Variants in PLPP4 observed in about 807,000 individuals in gnomAD.
PLPP4 encodes diacylglycerol pyrophosphate like 2.
Under a neutral mutation model 32.2 loss-of-function variants are expected in PLPP4, and 20 were observed. The observed-to-expected ratio is 0.62, with a 90% CI of 0.44 to 0.90. The LOEUF is 0.90. PLPP4 is among the 40% of genes least tolerant of loss of function. The pLI is 0.00. For missense variants in PLPP4, 257 were observed against 353.1 expected, an observed-to-expected ratio of 0.73 and a Z score of 2.18; for synonymous variants, 127 against 133.0, an observed-to-expected ratio of 0.95 and a Z score of 0.31.
At chr10:120,558,986 C>G (rs75429061) in intron 5 of PLPP4, among the ~76,000 whole-genome samples, 6,724 of 152,188 alleles carry the variant, frequency 0.044, 250 homozygotes, top group South Asian at 0.2. Flanking sequence ...TATGAAAATT[C>G]CCATTGCCCC....
At chr10:120,512,737 C>T (rs909839544) in intron 2 of PLPP4, among the ~76,000 whole-genome samples, 4 of 152,082 alleles carry the variant, frequency 2.6e-5, no homozygotes, top group African/African-American at 7.2e-5. Flanking sequence ...TGCTTGAACC[C>T]GGGAGGTGGA....
At chr10:120,565,974 T>C (rs1052436633) in intron 5 of PLPP4, among the ~76,000 whole-genome samples, 1 of 152,168 alleles carries the variant, frequency 6.6e-6, no homozygotes, top group Non-Finnish European at 1.5e-5. Context: ...ATTTAATCCG[T>C]CTACTGAGTT....
chr10:120,577,453 C>T (rs1200169727), intron 6 of PLPP4, among the ~76,000 whole-genome samples: 1 of 152,152 alleles, frequency 6.6e-6, no homozygotes, highest in African/African-American at 2.4e-5. Flanking sequence ...TGTGGAATCA[C>T]AGCTCTTGTC....
intron 5 of PLPP4, among the ~76,000 whole-genome samples, chr10:120,563,826 A>AG (rs1848561113): frequency 7.1e-6 from 1 of 141,336 alleles, no homozygotes; most frequent in Non-Finnish European, 1.6e-5. Context: ...AAAAAAAAAA[A>AG]AAAAAAAAAA....
At chr10:120,557,832 G>A (rs949105734) in intron 5 of PLPP4, among the ~76,000 whole-genome samples, 2 of 152,094 alleles carry the variant, frequency 1.3e-5, no homozygotes, top group East Asian at 3.9e-4. Context: ...ATGACCAAAT[G>A]AATGGCTGCA....
chr10:120,580,025 C>T lies in PLPP4; in HGVS notation c.616+4724C>T, dbSNP rs533329337. Among the ~76,000 whole-genome samples the T allele has an allele frequency of 3.5e-5, 5 of 144,602 alleles. No homozygotes were observed. The East Asian group carries it at 1.0e-3, about 30-fold the overall frequency. 94.9% of individuals were successfully genotyped at this position (144,602 alleles called of 152,430 possible). ...GTCCCAGCTACTCGGGAGGCTGAGG[C>T]AGGAGAATGGCGTGAACCTGGGAGG... On this transcript the variant is annotated intron_variant, in intron 6 of 6. Coordinates refer to ENST00000398250, the MANE Select transcript of PLPP4 (RefSeq NM_001030059.3).
At position 120,514,279 on chromosome 10, in the gene PLPP4, C is replaced by T. The variant is rs1296966502; in HGVS notation, c.256+278C>T. Among the ~76,000 whole-genome samples, 7 of 152,318 alleles carry T rather than the reference C, an allele frequency of 4.6e-5. No individual in the cohort carries two copies. The South Asian group carries it at 1.2e-3, about 27-fold the overall frequency. On this transcript the variant is annotated intron_variant, in intron 3 of 6. Coordinates refer to ENST00000398250, the MANE Select transcript of PLPP4 (RefSeq NM_001030059.3). Reference sequence around the variant, plus strand: ...GAGAGCTGTGCTGCTCAGGCGCAGACTCCGGGTAGCTCTTGGCAGTAAGGC... The same window carrying T: ...GAGAGCTGTGCTGCTCAGGCGCAGATTCCGGGTAGCTCTTGGCAGTAAGGC...
At chr10:120,543,893 CTTAGCATACGT>C (rs994087472) in intron 5 of PLPP4, among the ~76,000 whole-genome samples, 2 of 152,224 alleles carry the variant, frequency 1.3e-5, no homozygotes, top group Non-Finnish European at 2.9e-5. Flanking sequence ...TTTTCTTTCA[CTTAGCATACGT>C]ATCCTCAGGA....
At chr10:120,511,029 C>G (rs1055618450) in intron 2 of PLPP4, among the ~76,000 whole-genome samples, 3 of 152,156 alleles carry the variant, frequency 2.0e-5, no homozygotes, top group Admixed American at 6.5e-5. Flanking sequence ...ATATGGGGAG[C>G]CTTGGGCCCT....
At chr10:120,560,010 T>C (rs999630405) in intron 5 of PLPP4, among the ~76,000 whole-genome samples, 2 of 152,220 alleles carry the variant, frequency 1.3e-5, no homozygotes, top group African/African-American at 4.8e-5. Context: ...AATATCTACC[T>C]AAAACACCGT....
Position 120,521,215 on chromosome 10 carries a change from T to C in PLPP4, c.445+120T>C. 3 of 1,261,460 alleles carry C rather than the reference T, an allele frequency of 2.4e-6. No individual in the cohort carries two copies. In the South Asian group the frequency reaches 4.5e-5, roughly 19 times the overall value. The allele number at this position is 1,261,460 out of a possible 1,614,324, so 78.1% of individuals were successfully genotyped here. Reference sequence around the variant, plus strand: ...GAATGTTAAGCGCAGTTCATTTTTCTTCACTTTACGGCGTTTGACTTAGAA... The same window carrying C: ...GAATGTTAAGCGCAGTTCATTTTTCCTCACTTTACGGCGTTTGACTTAGAA... On this transcript the variant is annotated intron_variant, in intron 5 of 6. Transcript: ENST00000398250.
At chr10:120,580,271 G>A (rs993259148) in intron 6 of PLPP4, among the ~76,000 whole-genome samples, 11 of 152,062 alleles carry the variant, frequency 7.2e-5, no homozygotes, top group Admixed American at 6.6e-5. Flanking sequence ...AGGAATAATC[G>A]GATCTTTTTC....
intron 5 of PLPP4, among the ~76,000 whole-genome samples, chr10:120,521,907 T>C (rs1846172958): frequency 6.6e-6 from 1 of 152,266 alleles, no homozygotes. Flanking sequence ...ACAGTAGTTA[T>C]CTACATGATT....
At chr10:120,490,736 G>C (rs1844682534) in intron 1 of PLPP4, among the ~76,000 whole-genome samples, 1 of 152,216 alleles carries the variant, frequency 6.6e-6, no homozygotes, top group African/African-American at 2.4e-5. Flanking sequence ...CAAGGACTGG[G>C]GTGAGATCTC....
chr10:120,458,755 T>C (rs1847905494), intron 1 of PLPP4, among the ~76,000 whole-genome samples: 2 of 152,198 alleles, frequency 1.3e-5, no homozygotes, highest in Non-Finnish European at 1.5e-5. Context: ...CCTACTCTAT[T>C]TTCTACCTTT....
At chr10:120,489,804 C>T (rs1844630349) in intron 1 of PLPP4, among the ~76,000 whole-genome samples, 1 of 152,178 alleles carries the variant, frequency 6.6e-6, no homozygotes, top group Non-Finnish European at 1.5e-5. Flanking sequence ...GCAATTAGTT[C>T]AGGTTGCCAG....
At chr10:120,570,638 T>C (rs1181888044) in intron 5 of PLPP4, among the ~76,000 whole-genome samples, 1 of 152,190 alleles carries the variant, frequency 6.6e-6, no homozygotes, top group Non-Finnish European at 1.5e-5. Context: ...AAGAGTCAAC[T>C]GGGGATGAAG....
chr10:120,576,147 G>A (rs1589917239), intron 6 of PLPP4, among the ~76,000 whole-genome samples: 1 of 152,218 alleles, frequency 6.6e-6, no homozygotes, highest in East Asian at 1.9e-4. Flanking sequence ...AAGCAAGCCT[G>A]TCATTGCTGA....
intron 5 of PLPP4, among the ~76,000 whole-genome samples, chr10:120,523,308 GA>G (rs796759969): frequency 0.019 from 2,668 of 138,216 alleles, 69 homozygotes; most frequent in African/African-American, 0.063. Flanking sequence ...CTCAAGAAAA[GA>G]AAAAAAAAAA....
Sources: gnomAD v4.1 joint callset for allele counts (sites outside exome capture counted in the v4.1 genomes callset) on GRCh38, gnomAD v4.1.1 for gene constraint, MANE v1.5 for transcripts, NCBI Gene and HGNC (gene_info 2026-07-23, HGNC 2026-07-21) for gene names.